RFT1: variants seen among roughly 807,000 people sequenced by gnomAD.
RFT1 encodes the protein RFT1 glycolipid translocator homolog.
In RFT1, 43 loss-of-function variants were observed where a neutral mutation model predicts 62.2. That is an observed-to-expected ratio of 0.69 (90% CI 0.54 to 0.89). The LOEUF is 0.89. RFT1 is among the 40% of genes least tolerant of loss of function. The pLI is 0.00. For missense variants in RFT1, 605 were observed against 649.9 expected, an observed-to-expected ratio of 0.93 and a Z score of 0.75; for synonymous variants, 262 against 264.6, an observed-to-expected ratio of 0.99 and a Z score of 0.10.
chr3:53,083,315 C>T, the RFT1 span, among the ~76,000 whole-genome samples: 1 of 149,168 alleles, frequency 6.7e-6, no homozygotes, highest in Non-Finnish European at 1.5e-5. Context: ...AGTGTAAGAC[C>T]AGTCTGGGCA....
the RFT1 span, among the ~76,000 whole-genome samples, chr3:53,068,540 G>T: frequency 6.6e-6 from 1 of 152,162 alleles, no homozygotes; most frequent in African/African-American, 2.4e-5. Flanking sequence ...CAGAACAGAG[G>T]CTTTCAGAAA....
At chr3:53,119,250 T>C (rs979196820) in intron 6 of RFT1, among the ~76,000 whole-genome samples, 15 of 151,690 alleles carry the variant, frequency 9.9e-5, no homozygotes, top group Non-Finnish European at 1.8e-4. Context: ...CCCTACTTTC[T>C]CAGAACTCTC....
At chr3:53,081,035 G>A in the RFT1 span, among the ~76,000 whole-genome samples, 1 of 152,236 alleles carries the variant, frequency 6.6e-6, no homozygotes. Flanking sequence ...GGGGTCATAA[G>A]AACAGGGCCA....
At chr3:53,111,962 A>G in intron 6 of RFT1, 54 bp from the exon 7 acceptor site, 1 of 1,387,356 alleles carries the variant, frequency 7.2e-7, no homozygotes, top group Admixed American at 1.7e-5. Flanking sequence ...CAAGTCTAAG[A>G]ATGCAATGCT....
At chr3:53,080,780 A>T in the RFT1 span, among the ~76,000 whole-genome samples, 1 of 152,156 alleles carries the variant, frequency 6.6e-6, no homozygotes, top group Admixed American at 6.5e-5. Context: ...AGGGGGATCA[A>T]GCACTTTGCT....
chr3:53,097,044 C>T (rs1299168602), intron 11 of RFT1, among the ~76,000 whole-genome samples: 1 of 152,106 alleles, frequency 6.6e-6, no homozygotes, highest in Non-Finnish European at 1.5e-5. Context: ...CGTGCCCGGC[C>T]CAAATGCTCT....
chr3:53,109,872 C>G (rs1284056132), intron 7 of RFT1, among the ~76,000 whole-genome samples: 1 of 152,088 alleles, frequency 6.6e-6, no homozygotes, highest in African/African-American at 2.4e-5. Flanking sequence ...TTTTTTAGAG[C>G]TGTAGTTTTA....
intron 10 of RFT1, among the ~76,000 whole-genome samples, chr3:53,101,280 G>A (rs574045878): frequency 1.3e-5 from 2 of 152,334 alleles, no homozygotes; most frequent in South Asian, 2.1e-4. Flanking sequence ...GGTGACTCCA[G>A]GAAGGGAGGC....
downstream of RFT1, among the ~76,000 whole-genome samples, chr3:53,086,440 T>C (rs977435613): frequency 5.9e-5 from 9 of 152,060 alleles, no homozygotes; most frequent in African/African-American, 1.9e-4. Flanking sequence ...CTCAGCCTCC[T>C]GAGTAGCTGG....
chr3:53,113,904 T>C (rs1701719693), intron 6 of RFT1, among the ~76,000 whole-genome samples: 1 of 152,178 alleles, frequency 6.6e-6, no homozygotes, highest in South Asian at 2.1e-4. Context: ...CTGAGCCTTT[T>C]TTCCAGACAC....
intron 11 of RFT1, among the ~76,000 whole-genome samples, chr3:53,093,340 C>A (rs1701050075): frequency 6.6e-6 from 1 of 152,192 alleles, no homozygotes; most frequent in African/African-American, 2.4e-5. Flanking sequence ...TCTTGCACTT[C>A]TCTGATTTCA....
At chr3:53,079,316 T>C in the RFT1 span, among the ~76,000 whole-genome samples, 1 of 152,178 alleles carries the variant, frequency 6.6e-6, no homozygotes, top group Admixed American at 6.5e-5. Context: ...GTCCATGGCC[T>C]CACACCTTCC....
chr3:53,078,095 A>G, the RFT1 span: 1 of 152,356 alleles, frequency 6.6e-6, no homozygotes, highest in East Asian at 1.9e-4. Flanking sequence ...AGAGGCGGTG[A>G]AGTTCACTCT....
the RFT1 span, among the ~76,000 whole-genome samples, chr3:53,072,337 T>C: frequency 6.6e-6 from 1 of 152,156 alleles, no homozygotes; most frequent in African/African-American, 2.4e-5. Flanking sequence ...ACAGCCTCTC[T>C]TGACCCTCAG....
chr3:53,086,336 AAC>A (rs1700853475), downstream of RFT1, among the ~76,000 whole-genome samples: 1 of 151,966 alleles, frequency 6.6e-6, no homozygotes, highest in African/African-American at 2.4e-5. Flanking sequence ...TTTTTTTGGA[AAC>A]AGAGTCTCGC....
At chr3:53,092,346 C>T in intron 12 of RFT1, 23 bp downstream of exon 12, 1 of 1,588,518 alleles carries the variant, frequency 6.3e-7, no homozygotes, top group Non-Finnish European at 8.6e-7. Flanking sequence ...AAGCATGTGG[C>T]ATGATGGCTC....
At chr3:53,073,488 A>G in the RFT1 span, among the ~76,000 whole-genome samples, 3 of 152,244 alleles carry the variant, frequency 2.0e-5, no homozygotes, top group Non-Finnish European at 4.4e-5. Context: ...GTGGCCAGTC[A>G]GATAAAGCAG....
Position 53,099,244 on chromosome 3 carries a change from C to G in RFT1, c.1208+137G>C, listed in dbSNP as rs1224492493. The G allele has an allele frequency of 6.9e-6, 5 of 726,770 alleles. No individual in the cohort carries two copies. In the East Asian group the frequency reaches 8.2e-5, roughly 12 times the overall value. The allele number at this position is 726,770 out of a possible 1,614,324, so 45.0% of individuals were successfully genotyped here. On this transcript the variant is annotated intron_variant, in intron 11 of 12. Transcript: ENST00000296292. ...GTGCCACAGAGATCCCAGGGGAGCA[C>G]CACACTGGTGGACTAAGTGTTGCCT...
intron 1 of RFT1, 39 bp from the exon 2 acceptor site, chr3:53,126,033 G>T: frequency 2.0e-6 from 3 of 1,480,630 alleles, no homozygotes; most frequent in Non-Finnish European, 2.8e-6. Flanking sequence ...AATAAATGAC[G>T]TTAGAAGTGT....
Sources: allele counts gnomAD v4.1 joint callset (sites outside exome capture counted in the v4.1 genomes callset), GRCh38; gene constraint gnomAD v4.1.1; transcripts MANE v1.5; gene names NCBI Gene and HGNC (gene_info 2026-07-23, HGNC 2026-07-21).